DNER: variants seen among roughly 807,000 people sequenced by gnomAD.
DNER encodes delta/notch like EGF repeat containing.
A neutral mutation model predicts 78.2 loss-of-function variants in DNER; 33 were observed. The ratio of observed to expected loss-of-function variants is 0.42; its 90% CI spans 0.32 to 0.56. DNER has a LOEUF of 0.56. DNER is among the 20% of genes least tolerant of loss of function. DNER has a pLI of 0.11. For missense variants in DNER, 918 were observed against 975.3 expected (o/e 0.94, Z 0.78); for synonymous variants, 417 against 384.8 (o/e 1.08, Z -0.98).
intron 3 of DNER, 139 bp from the exon 4 acceptor site, chr2:229,586,163 C>A: frequency 1.6e-5 from 17 of 1,048,100 alleles, no homozygotes; most frequent in Non-Finnish European, 2.1e-5. Flanking sequence ...TAAACAGATA[C>A]GCGGGCGTCC....
intron 9 of DNER, among the ~76,000 whole-genome samples, chr2:229,408,669 T>G (rs1338199186): frequency 6.6e-6 from 1 of 152,212 alleles, no homozygotes; most frequent in Non-Finnish European, 1.5e-5. Context: ...TCATCCTTGC[T>G]GGGCTTTTCC....
At chr2:229,495,328 A>G (rs1695479034) in intron 6 of DNER, among the ~76,000 whole-genome samples, 1 of 152,244 alleles carries the variant, frequency 6.6e-6, no homozygotes. Flanking sequence ...GTTATAAGGC[A>G]TTGGTTCATA....
chr2:229,406,251 C>T (rs1693379168), intron 10 of DNER, among the ~76,000 whole-genome samples: 1 of 152,152 alleles, frequency 6.6e-6, no homozygotes, highest in South Asian at 2.1e-4. Context: ...TCAATGATAA[C>T]ATATGTTTTT....
intron 1 of DNER, among the ~76,000 whole-genome samples, chr2:229,622,101 C>A (rs1249106708): frequency 2.0e-5 from 3 of 151,760 alleles, no homozygotes; most frequent in African/African-American, 4.8e-5. Context: ...AACAAACAAA[C>A]AAACAAAAAA....
chr2:229,673,105 G>A (rs1442444210), intron 1 of DNER, among the ~76,000 whole-genome samples: 1 of 152,216 alleles, frequency 6.6e-6, no homozygotes, highest in Non-Finnish European at 1.5e-5. Context: ...CCTGTCCTTT[G>A]TGCTTTGTGC....
chr2:229,464,143 G>C (rs975746629), intron 7 of DNER, among the ~76,000 whole-genome samples: 1 of 152,188 alleles, frequency 6.6e-6, no homozygotes, highest in Non-Finnish European at 1.5e-5. Flanking sequence ...AATCAGAGAA[G>C]GGGTTTTGGC....
intron 6 of DNER, among the ~76,000 whole-genome samples, chr2:229,505,285 G>A (rs2154212091): frequency 6.6e-6 from 1 of 151,272 alleles, no homozygotes; most frequent in African/African-American, 2.4e-5. Flanking sequence ...CTATGGGAAT[G>A]GGGGTTCCTG....
intron 1 of DNER, among the ~76,000 whole-genome samples, chr2:229,704,442 G>A (rs1436628790): frequency 3.3e-5 from 5 of 152,100 alleles, no homozygotes; most frequent in African/African-American, 7.2e-5. Flanking sequence ...ACCAGACACT[G>A]GAAACAAACC....
At chr2:229,450,051 A>G (rs1001225496) in intron 7 of DNER, among the ~76,000 whole-genome samples, 14 of 152,342 alleles carry the variant, frequency 9.2e-5, no homozygotes, top group African/African-American at 2.9e-4. Flanking sequence ...AAGTGCTGGG[A>G]TTATAGGCGT....
At chr2:229,455,744 G>A (rs1694558946) in intron 7 of DNER, among the ~76,000 whole-genome samples, 1 of 152,068 alleles carries the variant, frequency 6.6e-6, no homozygotes, top group Non-Finnish European at 1.5e-5. Context: ...CTGAAGTTGT[G>A]TTTGTTAATA....
chr2:229,563,740 T>C (rs1574904841), intron 4 of DNER, among the ~76,000 whole-genome samples: 3 of 121,604 alleles, frequency 2.5e-5, no homozygotes, highest in African/African-American at 6.3e-5. Flanking sequence ...CATCACCCCA[T>C]CACCATCATC....
chr2:229,707,931 T>C (rs1005106356), intron 1 of DNER, among the ~76,000 whole-genome samples: 3 of 152,194 alleles, frequency 2.0e-5, no homozygotes, highest in Non-Finnish European at 2.9e-5. Flanking sequence ...TTCTAAGCCA[T>C]AGCAACTTTC....
chr2:229,547,519 C>G (rs1407806008), intron 4 of DNER, among the ~76,000 whole-genome samples: 1 of 152,202 alleles, frequency 6.6e-6, no homozygotes, highest in African/African-American at 2.4e-5. Flanking sequence ...AGTCCTCCTC[C>G]TCCTGGCTAC....
intron 4 of DNER, among the ~76,000 whole-genome samples, chr2:229,564,760 G>A (rs964998002): frequency 6.6e-6 from 1 of 151,884 alleles, no homozygotes; most frequent in Non-Finnish European, 1.5e-5. Context: ...AGCAACATAA[G>A]CAACCAACAT....
At chr2:229,558,495 C>T (rs147078708) in intron 4 of DNER, among the ~76,000 whole-genome samples, 1 of 152,218 alleles carries the variant, frequency 6.6e-6, no homozygotes, top group African/African-American at 2.4e-5. Context: ...CCTTATATTC[C>T]TCACTGCAAC....
chr2:229,365,581 C>A (rs1314768294), intron 12 of DNER, among the ~76,000 whole-genome samples: 1 of 152,172 alleles, frequency 6.6e-6, no homozygotes, highest in East Asian at 1.9e-4. Flanking sequence ...GGATTACAGG[C>A]ACCCGCCACC....
intron 1 of DNER, among the ~76,000 whole-genome samples, chr2:229,595,954 A>T (rs912578055): frequency 2.6e-5 from 4 of 151,382 alleles, no homozygotes; most frequent in Non-Finnish European, 5.9e-5. Flanking sequence ...GGTATATTGC[A>T]TGATGCTGAC....
At chr2:229,682,528 T>G (rs1699403101) in intron 1 of DNER, among the ~76,000 whole-genome samples, 1 of 152,170 alleles carries the variant, frequency 6.6e-6, no homozygotes, top group African/African-American at 2.4e-5. Context: ...ACTGGTTACT[T>G]CATCTCATAA....
rs1204061126 is a variant in DNER, at chr2:229,437,107, CCAAA to C, written c.1486+10205_1486+10208del. 9.2e-5 allele frequency among the ~76,000 whole-genome samples: 14 copies of C among 152,188 alleles called. No homozygotes were observed. In the South Asian group the frequency reaches 1.5e-3, roughly 16 times the overall value. On this transcript the variant is annotated intron_variant, in intron 8 of 12. Coordinates refer to ENST00000341772, the MANE Select transcript of DNER (RefSeq NM_139072.4). Reference sequence around the variant, plus strand: ...AAATAAACAGATGGAGAAAAATCTACCAAACAAACAGAAAACATAAAAAGGCAGG... The same window carrying C: ...AAATAAACAGATGGAGAAAAATCTACCAAACAGAAAACATAAAAAGGCAGG...
Sources: allele counts gnomAD v4.1 joint callset (sites outside exome capture counted in the v4.1 genomes callset), GRCh38; gene constraint gnomAD v4.1.1; transcripts MANE v1.5; gene names NCBI Gene and HGNC (gene_info 2026-07-23, HGNC 2026-07-21).